The following DACH1 variants were observed in gnomAD, a reference collection of about 807,000 sequenced individuals.
DACH1 encodes the protein dachshund family transcription factor 1.
DACH1 carries 12 observed loss-of-function variants against 54.2 expected under a neutral mutation model. That is an observed-to-expected ratio of 0.22 (90% CI 0.14 to 0.36). The LOEUF is 0.36. Ranked by LOEUF, DACH1 falls within the 10% of genes least tolerant of loss-of-function variation. The pLI is 1.00. For missense variants in DACH1, 805 were observed against 929.8 expected (o/e 0.87, Z 1.75); for synonymous variants, 386 against 366.2 (o/e 1.05, Z -0.62).
chr13:71,660,001 A>G (rs1357314114), intron 2 of DACH1, among the ~76,000 whole-genome samples: 2 of 152,176 alleles, frequency 1.3e-5, no homozygotes, highest in African/African-American at 4.8e-5. Context: ...ACCAATATCC[A>G]TGGTCTATAA....
intron 1 of DACH1, among the ~76,000 whole-genome samples, chr13:71,768,950 T>A (rs1885745051): frequency 6.6e-6 from 1 of 151,894 alleles, no homozygotes; most frequent in African/African-American, 2.4e-5. Context: ...AATTTTCATC[T>A]GTATTACACT....
Position 71,506,008 on chromosome 13 carries a change from A to G in DACH1, c.1571-16860T>C, listed in dbSNP as rs558154350. ...TTGTTCCTTCATCCTCTTGATATAGATTAAAAACTATACTGTTATTTAATG... is the reference window on the plus strand; with the variant it reads ...TTGTTCCTTCATCCTCTTGATATAGGTTAAAAACTATACTGTTATTTAATG... On this transcript the variant is annotated intron_variant, in intron 6 of 10. Transcript: ENST00000613252. Among the ~76,000 whole-genome samples, 48 of 152,274 alleles carry G rather than the reference A, an allele frequency of 3.2e-4. 1 individual carries two copies. The highest frequency in any genetic ancestry group is 1.1e-3 in the African/African-American group (47 of 41,568).
At chr13:71,511,228 A>C (rs1880751188) in intron 6 of DACH1, among the ~76,000 whole-genome samples, 1 of 152,040 alleles carries the variant, frequency 6.6e-6, no homozygotes, top group East Asian at 1.9e-4. Flanking sequence ...CAGCCAGTTT[A>C]GAAAACTACT....
At chr13:71,532,343 A>G (rs1295248985) in intron 6 of DACH1, among the ~76,000 whole-genome samples, 1 of 151,968 alleles carries the variant, frequency 6.6e-6, no homozygotes, top group East Asian at 1.9e-4. Context: ...GAGAGGGAAA[A>G]AAGAGTAAAG....
At chr13:71,632,807 T>A (rs1244698755) in intron 2 of DACH1, among the ~76,000 whole-genome samples, 1 of 152,136 alleles carries the variant, frequency 6.6e-6, no homozygotes. Flanking sequence ...AAAGAATCCA[T>A]CTGGGTTTGA....
intron 10 of DACH1, among the ~76,000 whole-genome samples, chr13:71,470,094 A>T (rs1474524925): frequency 6.6e-6 from 1 of 152,230 alleles, no homozygotes; most frequent in East Asian, 1.9e-4. Flanking sequence ...AGTGAAAGCA[A>T]AAAACTACTA....
chr13:71,772,913 T>G (rs1885919402), intron 1 of DACH1, among the ~76,000 whole-genome samples: 1 of 151,808 alleles, frequency 6.6e-6, no homozygotes, highest in Non-Finnish European at 1.5e-5. Flanking sequence ...AACTGCCAAG[T>G]GTTTACAAAA....
At chr13:71,704,257 CT>C in intron 1 of DACH1, 1 of 256,080 alleles carries the variant, frequency 3.9e-6, no homozygotes, top group Admixed American at 4.3e-5. Context: ...AGAGTTGATC[CT>C]TTGGCCACGA....
chr13:71,656,284 A>T (rs887014689), intron 2 of DACH1, among the ~76,000 whole-genome samples: 2 of 152,112 alleles, frequency 1.3e-5, no homozygotes, highest in Non-Finnish European at 2.9e-5. Context: ...CCCAAATTAT[A>T]CTTCTATTCA....
chr13:71,610,366 A>T (rs1211361839), intron 3 of DACH1, among the ~76,000 whole-genome samples: 1 of 152,178 alleles, frequency 6.6e-6, no homozygotes, highest in African/African-American at 2.4e-5. Flanking sequence ...GATGGTCGTG[A>T]CTATTTCATT....
intron 1 of DACH1, among the ~76,000 whole-genome samples, chr13:71,761,518 T>C (rs1885401165): frequency 6.6e-6 from 1 of 152,220 alleles, no homozygotes; most frequent in Admixed American, 6.5e-5. Context: ...TAGTGAGGAA[T>C]ATTTGCATTT....
chr13:71,718,779 G>C (rs1308073379), intron 1 of DACH1, among the ~76,000 whole-genome samples: 2 of 152,012 alleles, frequency 1.3e-5, no homozygotes, highest in Non-Finnish European at 2.9e-5. Flanking sequence ...TCACCAAGTA[G>C]AGTTGATTAT....
chr13:71,729,910 A>G (rs1302595818), intron 1 of DACH1, among the ~76,000 whole-genome samples: 6 of 152,082 alleles, frequency 3.9e-5, no homozygotes, highest in Non-Finnish European at 5.9e-5. Context: ...TGATTTACCA[A>G]TGTATCCTAA....
At chr13:71,521,047 G>C (rs1177663902) in intron 6 of DACH1, among the ~76,000 whole-genome samples, 1 of 151,988 alleles carries the variant, frequency 6.6e-6, no homozygotes, top group African/African-American at 2.4e-5. Flanking sequence ...TTGTGGCAAA[G>C]AGCATGGGCT....
chr13:71,444,671 C>CA (rs756626769), intron 10 of DACH1, among the ~76,000 whole-genome samples: 11 of 151,814 alleles, frequency 7.2e-5, no homozygotes, highest in African/African-American at 1.7e-4. Context: ...AATCCAGGAG[C>CA]AAAAAAATGG....
intron 10 of DACH1, among the ~76,000 whole-genome samples, chr13:71,468,117 G>GTT (rs1876757544): frequency 6.6e-6 from 1 of 151,994 alleles, no homozygotes; most frequent in East Asian, 1.9e-4. Flanking sequence ...ACTTTACTAT[G>GTT]GGAATAATTC....
At chr13:71,473,421 T>C (rs542922050) in intron 10 of DACH1, among the ~76,000 whole-genome samples, 4 of 152,210 alleles carry the variant, frequency 2.6e-5, no homozygotes, top group Non-Finnish European at 5.9e-5. Context: ...TTAAAACTTT[T>C]CTTCAGAATA....
intron 1 of DACH1, among the ~76,000 whole-genome samples, chr13:71,838,702 C>A (rs1392142411): frequency 1.3e-5 from 2 of 152,150 alleles, no homozygotes; most frequent in Non-Finnish European, 2.9e-5. Flanking sequence ...CTCACTTTCT[C>A]AATGGTATCA....
At chr13:71,711,552 T>C (rs1882724821) in intron 1 of DACH1, among the ~76,000 whole-genome samples, 1 of 152,206 alleles carries the variant, frequency 6.6e-6, no homozygotes, top group Non-Finnish European at 1.5e-5. Flanking sequence ...ATTCTACACA[T>C]TAAATATTTC....
Sources: allele counts gnomAD v4.1 joint callset (sites outside exome capture counted in the v4.1 genomes callset), GRCh38; gene constraint gnomAD v4.1.1; transcripts MANE v1.5; gene names NCBI Gene and HGNC (gene_info 2026-07-23, HGNC 2026-07-21).